Variants in RIMS2 observed in about 807,000 individuals in gnomAD.
RIMS2 encodes regulating synaptic membrane exocytosis 2.
In RIMS2, 59 loss-of-function variants were observed where a neutral mutation model predicts 174.4. The ratio of observed to expected loss-of-function variants is 0.34; its 90% CI spans 0.27 to 0.42. The LOEUF (loss-of-function observed/expected upper bound fraction) is 0.42. RIMS2 is among the 10% of genes least tolerant of loss of function. RIMS2 has a pLI of 1.00. For missense variants in RIMS2, 1,620 were observed against 1,666.3 expected, an observed-to-expected ratio of 0.97 and a Z score of 0.48; for synonymous variants, 606 against 572.5, an observed-to-expected ratio of 1.06 and a Z score of -0.84.
intron 1 of RIMS2, among the ~76,000 whole-genome samples, chr8:103,576,073 G>A (rs1261348860): frequency 2.0e-5 from 3 of 152,190 alleles, no homozygotes; most frequent in Non-Finnish European, 4.4e-5. Context: ...TGGAAACCCT[G>A]CTATGTAAGT....
chr8:103,656,704 A>G (rs1233618062), intron 1 of RIMS2, among the ~76,000 whole-genome samples: 1 of 152,218 alleles, frequency 6.6e-6, no homozygotes, highest in Non-Finnish European at 1.5e-5. Flanking sequence ...AATTGAGGTC[A>G]CAGGGCAAAT....
intron 1 of RIMS2, among the ~76,000 whole-genome samples, chr8:103,569,422 G>A (rs1428313656): frequency 1.3e-5 from 2 of 152,060 alleles, no homozygotes; most frequent in African/African-American, 4.8e-5. Context: ...AATACTAATT[G>A]TATTGAATCT....
chr8:103,967,751 G>C (rs1215533638), intron 15 of RIMS2, among the ~76,000 whole-genome samples: 1 of 151,838 alleles, frequency 6.6e-6, no homozygotes, highest in African/African-American at 2.4e-5. Flanking sequence ...TCTTCTTGAA[G>C]ACTTGGCTCC....
chr8:103,585,070 C>T (rs1006361560), intron 1 of RIMS2, among the ~76,000 whole-genome samples: 4 of 152,048 alleles, frequency 2.6e-5, no homozygotes. Flanking sequence ...TATAAAAGAG[C>T]AGGAGTCTGT....
chr8:103,601,962 G>A (rs1313584953), intron 1 of RIMS2, among the ~76,000 whole-genome samples: 1 of 151,656 alleles, frequency 6.6e-6, no homozygotes, highest in Non-Finnish European at 1.5e-5. Context: ...TCATCTTCAT[G>A]CTTTTTTATT....
chr8:103,738,825 C>T (rs76916043), intron 2 of RIMS2, among the ~76,000 whole-genome samples: 33,719 of 150,066 alleles, frequency 0.22, 4,114 homozygotes, highest in Non-Finnish European at 0.25. Flanking sequence ...AAAACCACAA[C>T]AAGATACCAT....
intron 1 of RIMS2, among the ~76,000 whole-genome samples, chr8:103,580,276 T>G (rs886583906): frequency 6.6e-6 from 1 of 152,132 alleles, no homozygotes; most frequent in South Asian, 2.1e-4. Context: ...CAACTCTATG[T>G]TTCTTACCAA....
At chr8:104,026,810 T>C in intron 19 of RIMS2, among the ~76,000 whole-genome samples, 1 of 152,170 alleles carries the variant, frequency 6.6e-6, no homozygotes, top group Non-Finnish European at 1.5e-5. Flanking sequence ...GGAGCTTGGC[T>C]TTGTTTTGTT....
At chr8:104,094,859 A>T in intron 19 of RIMS2, 1 of 553,120 alleles carries the variant, frequency 1.8e-6, no homozygotes, top group Admixed American at 3.4e-5. Flanking sequence ...AATATTACTA[A>T]TTAATATGTT....
intron 19 of RIMS2, among the ~76,000 whole-genome samples, chr8:104,169,591 GC>G (rs1406427315): frequency 6.6e-6 from 1 of 151,224 alleles, no homozygotes; most frequent in African/African-American, 2.4e-5. Flanking sequence ...GGTTATTCTC[GC>G]TAATGGTCTA....
chr8:103,816,128 G>C (rs2098716854), intron 3 of RIMS2, among the ~76,000 whole-genome samples: 1 of 151,994 alleles, frequency 6.6e-6, no homozygotes, highest in Non-Finnish European at 1.5e-5. Flanking sequence ...TAATATTCAG[G>C]ATATCCATAA....
intron 19 of RIMS2, among the ~76,000 whole-genome samples, chr8:104,136,218 C>T (rs1445332045): frequency 6.6e-6 from 1 of 152,112 alleles, no homozygotes; most frequent in Non-Finnish European, 1.5e-5. Context: ...TATGTCTCTA[C>T]TCTCACTGAG....
chr8:103,639,030 T>C (rs2096160935), intron 1 of RIMS2, among the ~76,000 whole-genome samples: 1 of 152,074 alleles, frequency 6.6e-6, no homozygotes, highest in Admixed American at 6.6e-5. Context: ...TTATTTGTAT[T>C]CTGTGGCAGT....
chr8:103,846,590 C>T (rs1016938027), intron 3 of RIMS2, among the ~76,000 whole-genome samples: 1 of 152,130 alleles, frequency 6.6e-6, no homozygotes, highest in Non-Finnish European at 1.5e-5. Context: ...CCAGTATTCA[C>T]AGCAGCTGGA....
chr8:103,620,214 G>A (rs1053759762), intron 1 of RIMS2, among the ~76,000 whole-genome samples: 15 of 152,090 alleles, frequency 9.9e-5, no homozygotes, highest in Admixed American at 2.6e-4. Context: ...TGTATACATG[G>A]CAACTTTTCA....
At chr8:103,817,190 A>G (rs1430111124) in intron 3 of RIMS2, among the ~76,000 whole-genome samples, 16 of 152,146 alleles carry the variant, frequency 1.1e-4, no homozygotes, top group Non-Finnish European at 2.1e-4. Context: ...CTTGAGGTAA[A>G]TGGAAGAAGC....
intron 19 of RIMS2, among the ~76,000 whole-genome samples, chr8:104,034,395 CT>C (rs891031808): frequency 1.9e-4 from 28 of 148,070 alleles, no homozygotes; most frequent in Admixed American, 6.8e-4. Context: ...AAAGAATGAT[CT>C]TGGTATTTCT....
chr8:103,642,200 A>G (rs1037358620), intron 1 of RIMS2, among the ~76,000 whole-genome samples: 13 of 151,936 alleles, frequency 8.6e-5, no homozygotes, highest in Admixed American at 7.9e-4. Flanking sequence ...CTCTCTTAGC[A>G]TATCAATTGT....
intron 1 of RIMS2, among the ~76,000 whole-genome samples, chr8:103,577,096 G>A (rs1180208095): frequency 6.6e-6 from 1 of 152,180 alleles, no homozygotes; most frequent in Non-Finnish European, 1.5e-5. Context: ...AAACTAAAGA[G>A]CTTCTTCACA....
Sources: gnomAD v4.1 joint callset for allele counts (sites outside exome capture counted in the v4.1 genomes callset) on GRCh38, gnomAD v4.1.1 for gene constraint, MANE v1.5 for transcripts, NCBI Gene and HGNC (gene_info 2026-07-23, HGNC 2026-07-21) for gene names.